Variants in EXT2 observed in about 807,000 individuals in gnomAD.
The protein encoded by EXT2 is exostosin glycosyltransferase 2.
Under a neutral mutation model 81.6 loss-of-function variants are expected in EXT2, and 53 were observed. The observed-to-expected ratio is 0.65, with a 90% confidence interval of 0.52 to 0.82. The LOEUF is 0.82. Ranked by LOEUF, EXT2 falls within the 40% of genes least tolerant of loss-of-function variation. The probability of loss-of-function intolerance (pLI) is 0.00; values close to 1 mark genes in which losing one functional copy is unlikely to be tolerated. For synonymous variants in EXT2, 320 were observed against 340.0 expected (o/e 0.94, Z 0.65); for missense variants, 774 against 910.2 (o/e 0.85, Z 1.93).
In EXT2 at chr11:44,126,801, T is replaced by C; in HGVS notation, c.940-15T>C. On this transcript the variant is annotated splice_polypyrimidine_tract_variant and intron_variant, in intron 5 of 13. Transcript: ENST00000533608. Reference sequence around the variant, plus strand: ...AAACTAGTTTGTAATCTCTTGCCTCTTTGTGTTCCTGCAGGAGGCTACTTT... The same window carrying C: ...AAACTAGTTTGTAATCTCTTGCCTCCTTGTGTTCCTGCAGGAGGCTACTTT... The C allele has an allele frequency of 6.2e-7, 1 of 1,614,172 alleles. No individual in the cohort carries two copies. The highest frequency in any genetic ancestry group is 1.3e-5 in the African/African-American group (1 of 75,048).
chr11:44,126,750 T>C, intron 5 of EXT2, 66 bp from the exon 6 acceptor site: 1 of 1,605,938 alleles, frequency 6.2e-7, no homozygotes, highest in Non-Finnish European at 8.5e-7. Flanking sequence ...TTGTGGTCTG[T>C]AGGGATCAAA....
chr11:44,147,468 C>T, intron 7 of EXT2, among the ~76,000 whole-genome samples: 1 of 152,166 alleles, frequency 6.6e-6, no homozygotes. Flanking sequence ...ACTAGTAAAG[C>T]AGAGTTTACT....
rs975918805 is a variant in EXT2 at position 44,247,230 on chromosome 11, G to A, written c.*2943G>A. Among the ~76,000 whole-genome samples the A allele has an allele frequency of 1.1e-4, 16 of 148,332 alleles. No homozygotes were observed. The highest frequency in any genetic ancestry group is 2.1e-4 in the Non-Finnish European group (14 of 67,468). On this transcript the variant is annotated 3_prime_UTR_variant, in exon 14 of 14. Transcript: ENST00000533608. ...TCTTGTGTTCTTTCCTGCCAGTGAT[G>A]CTCTGCTGTATCCTTTTTTTTTTTT...
chr11:44,172,232 G>A (rs1483252277), intron 8 of EXT2, among the ~76,000 whole-genome samples: 2 of 152,178 alleles, frequency 1.3e-5, no homozygotes, highest in African/African-American at 2.4e-5. Context: ...GATTGCTATA[G>A]TCATTTGCTC....
chr11:44,184,611 C>T (rs762009541), intron 8 of EXT2, among the ~76,000 whole-genome samples: 3 of 152,030 alleles, frequency 2.0e-5, no homozygotes, highest in African/African-American at 7.2e-5. Flanking sequence ...ATTAGCTGGG[C>T]GTGGTGGCGG....
chr11:44,205,046 C>G (rs959312380), intron 9 of EXT2, among the ~76,000 whole-genome samples: 11 of 152,102 alleles, frequency 7.2e-5, no homozygotes, highest in Non-Finnish European at 1.2e-4. Flanking sequence ...AGCTGCAGGT[C>G]CTTTTTGGTC....
intron 8 of EXT2, among the ~76,000 whole-genome samples, chr11:44,173,293 A>G (rs543027118): frequency 6.6e-6 from 1 of 152,336 alleles, no homozygotes; most frequent in East Asian, 1.9e-4. Context: ...GTTTGCTTCT[A>G]TCTCCCCGAC....
At chr11:44,205,185 G>A (rs1285183826) in intron 9 of EXT2, among the ~76,000 whole-genome samples, 1 of 152,186 alleles carries the variant, frequency 6.6e-6, no homozygotes, top group Non-Finnish European at 1.5e-5. Context: ...TGCCTCATAA[G>A]GTTGTCAGGA....
chr11:44,131,827 G>A (rs1275406126), intron 7 of EXT2, among the ~76,000 whole-genome samples: 4 of 152,050 alleles, frequency 2.6e-5, no homozygotes, highest in Non-Finnish European at 5.9e-5. Flanking sequence ...AACCTCTGCC[G>A]CCAGGGTTCT....
chr11:44,174,844 C>G (rs1001761586), intron 8 of EXT2, among the ~76,000 whole-genome samples: 3 of 152,080 alleles, frequency 2.0e-5, no homozygotes, highest in African/African-American at 7.2e-5. Flanking sequence ...GAAGGAACAA[C>G]AAATTCAAAG....
intron 7 of EXT2, among the ~76,000 whole-genome samples, chr11:44,160,120 G>C (rs920874275): frequency 6.6e-6 from 1 of 152,210 alleles, no homozygotes; most frequent in Non-Finnish European, 1.5e-5. Flanking sequence ...ACAAATTCTG[G>C]TGGTAAAACT....
intron 8 of EXT2, among the ~76,000 whole-genome samples, chr11:44,177,722 GT>G (rs5791611): frequency 0.011 from 1,596 of 151,806 alleles, 23 homozygotes; most frequent in African/African-American, 0.035. Flanking sequence ...TTGATAGATG[GT>G]TTTTTTTCCA....
At chr11:44,145,243 A>G (rs1954701129) in intron 7 of EXT2, among the ~76,000 whole-genome samples, 1 of 152,160 alleles carries the variant, frequency 6.6e-6, no homozygotes, top group Non-Finnish European at 1.5e-5. Context: ...CAAACATCTC[A>G]TTCTAAAAAC....
intron 1 of EXT2, among the ~76,000 whole-genome samples, chr11:44,100,236 G>A (rs1953962368): frequency 1.3e-5 from 2 of 152,134 alleles, no homozygotes; most frequent in African/African-American, 4.8e-5. Context: ...CACCCAAGTT[G>A]TTTTCTCTTA....
chr11:44,234,599 GT>G (rs11418727), intron 12 of EXT2, among the ~76,000 whole-genome samples: 3 of 149,300 alleles, frequency 2.0e-5, no homozygotes, highest in African/African-American at 4.9e-5. Context: ...AAGGTAGCTG[GT>G]TTTTTTTTTA....
chr11:44,121,669 A>C (rs1954319040), intron 4 of EXT2, among the ~76,000 whole-genome samples: 1 of 143,212 alleles, frequency 7.0e-6, no homozygotes. Flanking sequence ...CCCTCCCAGC[A>C]CAGATGCCTT....
chr11:44,160,933 T>A (rs3935820), intron 7 of EXT2, among the ~76,000 whole-genome samples: 57,196 of 152,076 alleles, frequency 0.38, 10,951 homozygotes, highest in Middle Eastern at 0.47. Context: ...TTTTCACATT[T>A]GTATCCTTTT....
At chr11:44,224,056 T>C (rs1306633035) in intron 10 of EXT2, among the ~76,000 whole-genome samples, 1 of 152,228 alleles carries the variant, frequency 6.6e-6, no homozygotes, top group Non-Finnish European at 1.5e-5. Flanking sequence ...TGTCATACAA[T>C]AGTTTTGCAA....
At chr11:44,216,344 C>G (rs1484792214) in intron 10 of EXT2, among the ~76,000 whole-genome samples, 1 of 152,160 alleles carries the variant, frequency 6.6e-6, no homozygotes, top group East Asian at 1.9e-4. Flanking sequence ...AGGTGTGATT[C>G]CGTATGGAAA....
Sources: allele counts gnomAD v4.1 joint callset (sites outside exome capture counted in the v4.1 genomes callset), GRCh38; gene constraint gnomAD v4.1.1; transcripts MANE v1.5; gene names NCBI Gene and HGNC (gene_info 2026-07-23, HGNC 2026-07-21).